The following RBM26 variants were observed in gnomAD, a reference collection of about 807,000 sequenced individuals.
The protein encoded by RBM26 is RNA binding motif protein 26, also known as RNA-binding protein 26.
Under a neutral mutation model 123.6 loss-of-function variants are expected in RBM26, and 30 were observed. The ratio of observed to expected loss-of-function variants is 0.24; its 90% CI spans 0.18 to 0.33. The LOEUF (loss-of-function observed/expected upper bound fraction) is 0.33. Ranked by LOEUF, RBM26 falls within the 10% of genes least tolerant of loss-of-function variation. The pLI, the probability that RBM26 is intolerant of heterozygous loss-of-function variation, is 1.00. For synonymous variants in RBM26, 400 were observed against 404.4 expected (o/e 0.99, Z 0.13); for missense variants, 947 against 1,203.6 (o/e 0.79, Z 3.15).
chr13:79,359,759 T>C, intron 9 of RBM26, 73 bp from the exon 10 acceptor site: 1 of 576,634 alleles, frequency 1.7e-6, no homozygotes, highest in Non-Finnish European at 2.7e-6. Context: ...GATACCTTCC[T>C]CATACAGGAA....
chr13:79,355,497 T>C (rs574285461), intron 11 of RBM26, 113 bp from the exon 12 acceptor site: 20 of 751,100 alleles, frequency 2.7e-5, no homozygotes, highest in South Asian at 1.3e-4. Flanking sequence ...TCTGTATTTA[T>C]ACTTCTTGGT....
rs56071300 is a variant in RBM26 at position 79,319,949 on chromosome 13, C to CTTTTTTTTTTTTTTTT, written c.*656_*671dup. ...TTTAAATCAAGGAACATTGTCTTGG[C>CTTTTTTTTTTTTTTTT]TTTTTTTTTTTTTTTTTTTTTGTCA... is the stretch of plus-strand genomic sequence containing the variant. On this transcript the variant is annotated 3_prime_UTR_variant, in exon 22 of 22. Coordinates refer to ENST00000438737, the MANE Select transcript of RBM26 (RefSeq NM_001366735.2). The CTTTTTTTTTTTTTTTT allele has an allele frequency of 1.7e-5, 2 of 116,104 alleles. No homozygotes were observed. The highest frequency in any genetic ancestry group is 1.9e-5 in the Non-Finnish European group (2 of 104,546). The allele number at this position is 116,104 out of a possible 1,614,324, so 7.2% of individuals were successfully genotyped here. A position where few individuals can be genotyped will look rare whatever the true frequency, so the allele number is the denominator to read the frequency against.
At chr13:79,374,929 A>C (rs1203970279) in intron 3 of RBM26, among the ~76,000 whole-genome samples, 1 of 151,194 alleles carries the variant, frequency 6.6e-6, no homozygotes, top group Non-Finnish European at 1.5e-5. Context: ...CTTTGCTACT[A>C]ACTCGATTTA....
rs752593189 is a variant in RBM26, at chr13:79,344,799, C to T, written c.2059-5G>A. The T allele has an allele frequency of 6.2e-7, 1 of 1,607,136 alleles. No individual in the cohort carries two copies. The highest frequency in any genetic ancestry group is 1.1e-5 in the South Asian group (1 of 89,022). On this transcript the variant is annotated splice_region_variant and splice_polypyrimidine_tract_variant and intron_variant, in intron 14 of 21. Coordinates refer to ENST00000438737, the MANE Select transcript of RBM26 (RefSeq NM_001366735.2). ...GCCAGTAGATGTAGACAACACCTAC[C>T]AATACAAATTCAACTTTTAAAAATA...
At chr13:79,391,234 A>C (rs1307815013) in intron 1 of RBM26, among the ~76,000 whole-genome samples, 1 of 152,226 alleles carries the variant, frequency 6.6e-6, no homozygotes, top group African/African-American at 2.4e-5. Flanking sequence ...ATTAGAGTTC[A>C]TTAATTGACT....
chr13:79,337,349 C>T, intron 18 of RBM26, 47 bp from the exon 19 acceptor site: 1 of 1,603,262 alleles, frequency 6.2e-7, no homozygotes, highest in Non-Finnish European at 8.5e-7. Flanking sequence ...TGATTACTAA[C>T]ACAAGCCAAG....
At chr13:79,350,808 G>C (rs912867978) in intron 14 of RBM26, among the ~76,000 whole-genome samples, 9 of 151,888 alleles carry the variant, frequency 5.9e-5, no homozygotes, top group African/African-American at 1.9e-4. Context: ...AGACTTCTTT[G>C]AATCACTGCC....
intron 18 of RBM26, among the ~76,000 whole-genome samples, chr13:79,338,554 T>G (rs775465827): frequency 3.5e-4 from 54 of 152,146 alleles, no homozygotes; most frequent in Non-Finnish European, 7.1e-4. Context: ...GATGGAGAGA[T>G]AAGCCTGGAG....
At chr13:79,359,453 G>A (rs2074407492) in intron 10 of RBM26, 122 bp downstream of exon 10, 3 of 500,976 alleles carry the variant, frequency 6.0e-6, no homozygotes, top group Non-Finnish European at 1.1e-5. Flanking sequence ...TCACACTTGG[G>A]GATTGCTTAC....
Position 79,337,314 on chromosome 13 carries a change from T to C in RBM26, c.2533-12A>G, listed in dbSNP as rs374806572. 4.6e-4 allele frequency: 735 copies of C among 1,614,002 alleles called. 3 individuals are homozygous for C. In the South Asian group the frequency reaches 7.2e-3, roughly 16 times the overall value. On this transcript the variant is annotated splice_polypyrimidine_tract_variant and intron_variant, in intron 18 of 21. Coordinates refer to ENST00000438737, the MANE Select transcript of RBM26 (RefSeq NM_001366735.2). The stretch of plus-strand genomic sequence containing the variant: ...CCTCGTTTGGCAGCCTAGAAGAGAT[T>C]AGACACACAGGTTAAACAATGCTGT...
chr13:79,359,797 T>C (rs9601217), intron 9 of RBM26, 111 bp from the exon 10 acceptor site: 128,481 of 203,040 alleles, frequency 0.63, 36,157 homozygotes, highest in East Asian at 0.8. Flanking sequence ...TAAATATATA[T>C]ATATATATAT....
chr13:79,400,767 G>A (rs1008124735), intron 1 of RBM26, among the ~76,000 whole-genome samples: 5 of 152,064 alleles, frequency 3.3e-5, no homozygotes, highest in Non-Finnish European at 7.4e-5. Flanking sequence ...CACGCATAGG[G>A]CAAAAAATAT....
In RBM26 at chr13:79,368,928, T is replaced by G. The variant is rs1324343452; in HGVS notation, c.697A>C (p.Thr233Pro). The G allele has an allele frequency of 6.2e-7, 1 of 1,610,446 alleles. No individual in the cohort carries two copies. The highest frequency in any genetic ancestry group is 8.5e-7 in the Non-Finnish European group (1 of 1,176,902). The change falls in exon 6 of 22, where the codon ACT (threonine) becomes CCT (proline). Residue 233 changes from threonine (T) to proline (P), a missense_variant. Coordinates refer to ENST00000438737, the MANE Select transcript of RBM26 (RefSeq NM_001366735.2). ...ATACTAGGTACCGAAGAGACTGGAG[T>G]ATAATTATTTTCTAATGGATCTGTT... is the stretch of plus-strand genomic sequence containing the variant. ...DRTDPLENNYTPVSSVPSISS... is the reference protein window; with the variant it reads ...DRTDPLENNYPPVSSVPSISS...
At chr13:79,391,710 C>A (rs2078009360) in intron 1 of RBM26, among the ~76,000 whole-genome samples, 1 of 152,084 alleles carries the variant, frequency 6.6e-6, no homozygotes, top group Non-Finnish European at 1.5e-5. Flanking sequence ...AGGCGTGAGC[C>A]ACCGCACCCA....
At chr13:79,387,949 A>G (rs1034475784) in intron 1 of RBM26, among the ~76,000 whole-genome samples, 2 of 152,212 alleles carry the variant, frequency 1.3e-5, no homozygotes, top group Non-Finnish European at 2.9e-5. Context: ...TCCCATTGGT[A>G]TTACAGATAA....
intron 14 of RBM26, among the ~76,000 whole-genome samples, chr13:79,352,844 A>G (rs1215272994): frequency 6.6e-6 from 1 of 152,214 alleles, no homozygotes; most frequent in African/African-American, 2.4e-5. Context: ...CCTTTCTATT[A>G]GGCTGCCAGA....
At chr13:79,358,478 C>A (rs771914531) in intron 10 of RBM26, 45 bp from the exon 11 acceptor site, 2 of 1,498,220 alleles carry the variant, frequency 1.3e-6, no homozygotes, top group Non-Finnish European at 1.8e-6. Context: ...TAAATCCTGA[C>A]CCTAACCAAA....
chr13:79,379,664 T>C (rs1409597297), intron 1 of RBM26, among the ~76,000 whole-genome samples: 1 of 150,686 alleles, frequency 6.6e-6, no homozygotes, highest in Non-Finnish European at 1.5e-5. Flanking sequence ...ACAAAATCCA[T>C]ATTATCAAAA....
At chr13:79,347,654 C>T (rs1160575197) in intron 14 of RBM26, among the ~76,000 whole-genome samples, 1 of 146,402 alleles carries the variant, frequency 6.8e-6, no homozygotes. Context: ...ATACATCTTA[C>T]TACACTTACT....
Sources: allele counts gnomAD v4.1 joint callset (sites outside exome capture counted in the v4.1 genomes callset), GRCh38; gene constraint gnomAD v4.1.1; transcripts MANE v1.5; gene names NCBI Gene and HGNC (gene_info 2026-07-23, HGNC 2026-07-21).